The following LGI3 variants were observed in gnomAD, a reference collection of about 807,000 sequenced individuals.
LGI3 encodes leucine-rich repeat LGI family member 3.
LGI3 carries 47 observed loss-of-function variants against 55.4 expected under a neutral mutation model. The observed-to-expected ratio is 0.85, with a 90% CI of 0.67 to 1.08. The LOEUF (loss-of-function observed/expected upper bound fraction) is 1.08. LGI3 is among the 50% of genes least tolerant of loss of function. The pLI, the probability that LGI3 is intolerant of heterozygous loss-of-function variation, is 0.00. For synonymous variants in LGI3, 326 were observed against 315.0 expected (o/e 1.04, Z -0.37); for missense variants, 664 against 726.3 (o/e 0.91, Z 0.99).
At position 22,148,117 on chromosome 8, in the gene LGI3, C is replaced by T. The variant is rs1827328763; in HGVS notation, c.*43G>A. The stretch of plus-strand genomic sequence containing the variant: ...GGTGCTCACAGAGGCCCCCACCCAT[C>T]CTCCAGTGGCCACCCTGAGGAGACC... On this transcript the variant is annotated 3_prime_UTR_variant, in exon 8 of 8. Coordinates refer to ENST00000306317, the MANE Select transcript of LGI3 (RefSeq NM_139278.4). This position sits in a 1 kb window ranked among gnomAD's most constrained non-coding sequence, Gnocchi z 7.0. 4 of 1,497,174 alleles carry T rather than the reference C, an allele frequency of 2.7e-6. No individual in the cohort carries two copies. The highest frequency in any genetic ancestry group is 4.7e-4 in the Middle Eastern group (2 of 4,228). The allele number at this position is 1,497,174 out of a possible 1,614,324, so 92.7% of individuals were successfully genotyped here.
At chr8:22,153,840 G>A in intron 5 of LGI3, 128 bp downstream of exon 5, 1 of 906,992 alleles carries the variant, frequency 1.1e-6, no homozygotes, top group Non-Finnish European at 1.8e-6. Context: ...ACCTCCTCAG[G>A]GTCCCCCCAC....
intron 2 of LGI3, 26 bp from the exon 3 acceptor site, chr8:22,154,657 G>A (rs764240650): frequency 2.5e-6 from 4 of 1,570,830 alleles, no homozygotes; most frequent in Non-Finnish European, 2.6e-6. Flanking sequence ...TGGAATTAGA[G>A]CTTCCAAGGG....
chr8:22,152,740 CAAAAAAAA>C (rs558087211), intron 5 of LGI3, among the ~76,000 whole-genome samples: 1 of 66,518 alleles, frequency 1.5e-5, no homozygotes, highest in African/African-American at 5.2e-5. Context: ...GACTCCGTCT[CAAAAAAAA>C]AAAAAAAAAA....
chr8:22,147,987 A>G lies in LGI3; in HGVS notation c.*173T>C. ...TTCATGCTGATTGCAGTGATGATGC[A>G]CGTCCTCCTGGGCCAGTCCACGGGG... On this transcript the variant is annotated 3_prime_UTR_variant, in exon 8 of 8. Coordinates refer to ENST00000306317, the MANE Select transcript of LGI3 (RefSeq NM_139278.4). 1.7e-6 allele frequency: 1 copy of G among 601,446 alleles called. No homozygotes were observed. Among genetic ancestry groups the G allele is most frequent in the Non-Finnish European group, 2.9e-6 (1 of 344,102 alleles). The allele number at this position is 601,446 out of a possible 1,614,324, so 37.3% of individuals were successfully genotyped here.
intron 5 of LGI3, among the ~76,000 whole-genome samples, 178 bp from the exon 6 acceptor site, chr8:22,152,178 A>G (rs1827388336): frequency 6.6e-6 from 1 of 152,218 alleles, no homozygotes; most frequent in Non-Finnish European, 1.5e-5. Context: ...CCCCACAGAC[A>G]CAGGCTTGGC....
Position 22,150,848 on chromosome 8 carries a change from C to A in LGI3, c.829+641G>T, listed in dbSNP as rs146615551. On this transcript the variant is annotated intron_variant, in intron 7 of 7. Coordinates refer to ENST00000306317, the MANE Select transcript of LGI3 (RefSeq NM_139278.4). ...GACTGGATCACACATTCTGCTTAAA[C>A]CCTGTCAATGACCTGGTACTCATCA... Among the ~76,000 whole-genome samples the A allele has an allele frequency of 4.2e-3, 645 of 151,916 alleles. 2 individuals carry two copies. The highest frequency in any genetic ancestry group is 6.6e-3 in the Non-Finnish European group (447 of 67,966).
chr8:22,156,358 A>T lies in LGI3; in HGVS notation c.185T>A (p.Leu62Gln). The T allele has an allele frequency of 6.2e-7, 1 of 1,609,080 alleles. No individual in the cohort carries two copies. Residue 62 changes from leucine to glutamine, a missense_variant, in exon 1 of 8, where the codon CTG becomes CAG. Physicochemically the swap from Leu to Gln is moderately radical, Grantham distance 113. Transcript: ENST00000306317. ...TCACAGGGAGATGACCTCCGAGGGC[A>T]GGTTCCTGGGCACCGCCTTTGAGTC... ...CVDSKAVPRN[L>Q]PSEVISLTLV...
At chr8:22,153,294 A>G (rs1415985622) in intron 5 of LGI3, among the ~76,000 whole-genome samples, 1 of 150,184 alleles carries the variant, frequency 6.7e-6, no homozygotes, top group Admixed American at 6.6e-5. Flanking sequence ...CATGTTGGCC[A>G]GGCTGGTCTG....
intron 2 of LGI3, 170 bp from the exon 3 acceptor site, chr8:22,154,801 C>T: frequency 1.7e-6 from 1 of 600,948 alleles, no homozygotes. Flanking sequence ...AGGCAGGAGC[C>T]TGTTCTGGCC....
At chr8:22,156,225 C>T (rs1314975776) in intron 1 of LGI3, 112 bp downstream of exon 1, 2 of 1,195,098 alleles carry the variant, frequency 1.7e-6, no homozygotes, top group Non-Finnish European at 1.2e-6. Context: ...CCTGCAGTCC[C>T]CCTGGTCCCC....
At chr8:22,153,725 AAC>A (rs59250695) in intron 5 of LGI3, among the ~76,000 whole-genome samples, 18,219 of 135,572 alleles carry the variant, frequency 0.13, 1,230 homozygotes, top group Middle Eastern at 0.19. Context: ...AAAAAAAAAA[AAC>A]ACACACACAC....
intron 1 of LGI3, 98 bp from the exon 2 acceptor site, chr8:22,155,561 C>A: frequency 1.0e-6 from 1 of 979,306 alleles, no homozygotes; most frequent in Admixed American, 1.8e-5. Flanking sequence ...TACTCACTTG[C>A]CCTGGAAATG....
chr8:22,154,604 C>G lies in LGI3; in HGVS notation c.306G>C (p.Leu102=), dbSNP rs202207816. The G allele has an allele frequency of 2.9e-5, 46 of 1,613,920 alleles. No individual in the cohort carries two copies. In the East Asian group the frequency reaches 9.6e-4, roughly 34 times the overall value. Residue 102 remains leucine, a synonymous_variant, in exon 3 of 8, where the codon CTG becomes CTC. Transcript: ENST00000306317. Reference sequence around the variant, plus strand: ...GTCCTGTGAAGGCGTTGTCTCCAATCAGTGTAAACTTGTTGGAGTTGAGTA... The same window carrying G: ...GTCCTGTGAAGGCGTTGTCTCCAATGAGTGTAAACTTGTTGGAGTTGAGTA... The part of the protein sequence containing the change: ...FLLLNSNKFT[L]IGDNAFTGLS...
At position 22,151,873 on chromosome 8, in the gene LGI3, C is replaced by A; in HGVS notation, c.622G>T (p.Val208Leu). The part of the protein sequence containing the change: ...ASPPRFQEHK[V>L]QDLPLREFDC... Reference sequence around the variant, plus strand: ...AACTCCCGCAGCGGCAGGTCCTGCACCTTGTGCTCCTGGAAGCGGGGCGGG... The same window carrying A: ...AACTCCCGCAGCGGCAGGTCCTGCAACTTGTGCTCCTGGAAGCGGGGCGGG... The change falls in exon 6 of 8, where the codon GTG (valine) becomes TTG (leucine). Residue 208 changes from valine to leucine, a missense_variant. Physicochemically the swap from Val to Leu is conservative, Grantham distance 32. Transcript: ENST00000306317. The A allele has an allele frequency of 6.2e-7, 1 of 1,613,290 alleles. No homozygotes were observed. The highest frequency in any genetic ancestry group is 8.5e-7 in the Non-Finnish European group (1 of 1,179,882).
intron 1 of LGI3, among the ~76,000 whole-genome samples, chr8:22,155,765 C>T (rs1459902245): frequency 6.6e-6 from 1 of 152,246 alleles, no homozygotes; most frequent in African/African-American, 2.4e-5. Context: ...CCACAATGGG[C>T]TGGGTGCTGT....
rs866142692 is a variant in LGI3, at chr8:22,156,619, G to C, written c.-77C>G. On this transcript the variant is annotated 5_prime_UTR_variant, in exon 1 of 8. Transcript: ENST00000306317. ...CTCCCGCGGCTGGGCCACCCCGCGC[G>C]GGCTGGCACCTCCCTGCCACCGGCA... 2 of 414,754 alleles carry C rather than the reference G, an allele frequency of 4.8e-6. No homozygotes were observed. Among genetic ancestry groups the C allele is most frequent in the Admixed American group, 1.0e-4 (2 of 19,532 alleles). The allele number at this position is 414,754 out of a possible 1,614,324, so 25.7% of individuals were successfully genotyped here.
Position 22,156,574 on chromosome 8 carries a change from C to T in LGI3, c.-32G>A. The T allele has an allele frequency of 2.3e-6, 2 of 886,696 alleles. No homozygotes were observed. The highest frequency in any genetic ancestry group is 3.7e-5 in the East Asian group (1 of 27,092). 54.9% of individuals were successfully genotyped at this position (886,696 alleles called of 1,614,324 possible). On this transcript the variant is annotated 5_prime_UTR_variant, in exon 1 of 8. Transcript: ENST00000306317. Reference sequence around the variant, plus strand: ...CGCGATCTCTCCCTGGGGCCGGCGGCCGCGGCCCCCGCCCCACCGCTCCCG... The same window carrying T: ...CGCGATCTCTCCCTGGGGCCGGCGGTCGCGGCCCCCGCCCCACCGCTCCCG...
rs988741666 is a variant in LGI3, at chr8:22,148,897, AAG to A, written c.908_909del (p.Ser303LeufsTer19). ...GTGTTGGGATCCCAGTGGTAAATGT[AAG>A]AGCCGCCAAACAGCTGGGCCACGAC... ...YVVVAQLFGG[S>X]YIYHWDPNTT... On this transcript the variant is annotated frameshift_variant, in exon 8 of 8. Transcript: ENST00000306317. LOFTEE classifies it high-confidence loss of function. This position sits in a 1 kb window ranked among gnomAD's most constrained non-coding sequence, Gnocchi z 7.0. 2 of 1,614,126 alleles carry A rather than the reference AAG, an allele frequency of 1.2e-6. No homozygotes were observed.
At chr8:22,154,068 A>G in intron 4 of LGI3, 29 bp from the exon 5 acceptor site, 1 of 1,613,856 alleles carries the variant, frequency 6.2e-7, no homozygotes, top group East Asian at 2.2e-5. Flanking sequence ...GGTCATCTGA[A>G]GATCATGAGC....
Sources: allele counts gnomAD v4.1 joint callset (sites outside exome capture counted in the v4.1 genomes callset), GRCh38; gene constraint gnomAD v4.1.1; non-coding constraint Gnocchi (gnomAD v3.1); transcripts MANE v1.5; gene names NCBI Gene and HGNC (gene_info 2026-07-23, HGNC 2026-07-21).